Variants in PCDH15 observed in about 807,000 individuals in gnomAD.
PCDH15 encodes the protein protocadherin related 15, also known as protocadherin-15.
A neutral mutation model predicts 178.5 loss-of-function variants in PCDH15; 129 were observed. That is an observed-to-expected ratio of 0.72 (90% CI 0.63 to 0.84). The LOEUF (loss-of-function observed/expected upper bound fraction) is 0.84, where lower values mean the gene tolerates loss of function less well. Among genes scored for constraint, PCDH15 ranks in the 40% least tolerant of loss-of-function variants. The pLI is 0.00. For synonymous variants in PCDH15, 800 were observed against 732.0 expected (o/e 1.09, Z -1.50); for missense variants, 2,230 against 2,099.9 (o/e 1.06, Z -1.21).
chr10:54,012,230 AAAGT>A (rs1246508367), intron 20 of PCDH15, among the ~76,000 whole-genome samples: 1 of 152,176 alleles, frequency 6.6e-6, no homozygotes, highest in East Asian at 1.9e-4. Flanking sequence ...AAGAAGGACA[AAAGT>A]AATAATTAAA....
At chr10:54,102,848 A>T (rs773785862) in intron 15 of PCDH15, among the ~76,000 whole-genome samples, 4 of 152,138 alleles carry the variant, frequency 2.6e-5, no homozygotes, top group Middle Eastern at 3.2e-3. Context: ...AACCCCATTA[A>T]TTATCTGACC....
chr10:54,780,947 C>A (rs1950297691), intron 1 of PCDH15, among the ~76,000 whole-genome samples: 1 of 151,890 alleles, frequency 6.6e-6, no homozygotes, highest in Non-Finnish European at 1.5e-5. Flanking sequence ...GCTATAAAGT[C>A]TCAAATACAG....
At chr10:54,143,559 T>A (rs2043601877) in intron 14 of PCDH15, among the ~76,000 whole-genome samples, 1 of 152,172 alleles carries the variant, frequency 6.6e-6, no homozygotes, top group Non-Finnish European at 1.5e-5. Flanking sequence ...GAAAGGCTGA[T>A]GTGTTCATAA....
intron 2 of PCDH15, among the ~76,000 whole-genome samples, chr10:55,585,774 T>C (rs1329090526): frequency 6.6e-6 from 1 of 152,104 alleles, no homozygotes; most frequent in Non-Finnish European, 1.5e-5. Flanking sequence ...TATATATGTG[T>C]GTGTGTATAT....
intron 2 of PCDH15, among the ~76,000 whole-genome samples, chr10:55,021,331 C>A (rs1033025923): frequency 6.6e-6 from 1 of 152,162 alleles, no homozygotes. Context: ...AAAATGACTT[C>A]CCTCTTTAGC....
chr10:55,579,052 A>G (rs558156632), intron 2 of PCDH15, among the ~76,000 whole-genome samples: 1 of 152,178 alleles, frequency 6.6e-6, no homozygotes, highest in African/African-American at 2.4e-5. Context: ...CATTTTAAGC[A>G]TGTTTATTTT....
chr10:55,052,157 C>T (rs540358908), intron 2 of PCDH15, among the ~76,000 whole-genome samples: 3 of 150,994 alleles, frequency 2.0e-5, no homozygotes, highest in East Asian at 2.0e-4. Context: ...GTTGGATCTC[C>T]GCTCACTGCA....
intron 25 of PCDH15, among the ~76,000 whole-genome samples, chr10:53,919,175 T>C (rs911426680): frequency 9.2e-5 from 14 of 152,146 alleles, no homozygotes; most frequent in South Asian, 2.1e-4. Flanking sequence ...GGAAGTCCCT[T>C]ATCTTATGTA....
intron 1 of PCDH15, among the ~76,000 whole-genome samples, chr10:54,751,752 A>T (rs531072225): frequency 1.3e-5 from 2 of 152,294 alleles, no homozygotes; most frequent in South Asian, 2.1e-4. Flanking sequence ...AAAGGATGAA[A>T]GATACTAATT....
At chr10:55,302,544 T>C (rs1158470603) in intron 1 of PCDH15, among the ~76,000 whole-genome samples, 1 of 152,082 alleles carries the variant, frequency 6.6e-6, no homozygotes, top group African/African-American at 2.4e-5. Flanking sequence ...TGTAGGCAGA[T>C]TTCTCTCTCC....
At chr10:53,961,980 G>C in intron 21 of PCDH15, 88 bp from the exon 22 acceptor site, 2 of 1,098,724 alleles carry the variant, frequency 1.8e-6, no homozygotes, top group South Asian at 1.4e-5. Context: ...TAAAATTCAT[G>C]GTCTTTTAGA....
intron 1 of PCDH15, among the ~76,000 whole-genome samples, chr10:55,187,877 G>A (rs949527548): frequency 6.6e-6 from 1 of 151,902 alleles, no homozygotes; most frequent in African/African-American, 2.4e-5. Flanking sequence ...GAGAGCTGGA[G>A]AGTCACATAA....
At chr10:54,098,002 C>T (rs1444388325) in intron 15 of PCDH15, among the ~76,000 whole-genome samples, 1 of 152,100 alleles carries the variant, frequency 6.6e-6, no homozygotes, top group East Asian at 1.9e-4. Flanking sequence ...CTTCCTATGA[C>T]TGGGAGCCTA....
intron 15 of PCDH15, among the ~76,000 whole-genome samples, chr10:54,114,283 C>T (rs1239877193): frequency 1.3e-5 from 2 of 152,152 alleles, no homozygotes; most frequent in Non-Finnish European, 2.9e-5. Context: ...ACTAAGTCCT[C>T]ATTACAGAGT....
At chr10:55,363,344 A>G (rs989842020) in intron 2 of PCDH15, among the ~76,000 whole-genome samples, 3 of 152,142 alleles carry the variant, frequency 2.0e-5, no homozygotes, top group South Asian at 2.1e-4. Flanking sequence ...GTTGTTTCCA[A>G]TTTTAACTGT....
chr10:54,186,225 A>G (rs568894138), intron 11 of PCDH15, among the ~76,000 whole-genome samples: 1 of 152,166 alleles, frequency 6.6e-6, no homozygotes, highest in Admixed American at 6.6e-5. Context: ...TCTAGATTAT[A>G]CTATCTTTTA....
chr10:55,513,564 A>G (rs768039986), intron 2 of PCDH15, among the ~76,000 whole-genome samples: 1 of 152,154 alleles, frequency 6.6e-6, no homozygotes, highest in Non-Finnish European at 1.5e-5. Flanking sequence ...GGAACAATGT[A>G]CATAAGTTAT....
At position 54,273,921 on chromosome 10, in the gene PCDH15, A is replaced by G. The variant is rs117672127; in HGVS notation, c.877-36990T>C. ...CAGTGGTCTGCGGGATAAAGAAAAT[A>G]TGGTATATAAACATCATGGCATACT... On this transcript the variant is annotated intron_variant, in intron 8 of 37. Transcript: ENST00000644397. Among the ~76,000 whole-genome samples, 558 of 152,190 alleles carry G rather than the reference A, an allele frequency of 3.7e-3. 6 individuals are homozygous for G. The highest frequency in any genetic ancestry group is 0.029 in the South Asian group (139 of 4,810).
At chr10:54,814,825 G>A (rs1366648116) in intron 3 of PCDH15, among the ~76,000 whole-genome samples, 1 of 152,062 alleles carries the variant, frequency 6.6e-6, no homozygotes, top group Non-Finnish European at 1.5e-5. Context: ...AGGCATAAAT[G>A]GCCAAATATG....
Sources: allele counts gnomAD v4.1 joint callset (sites outside exome capture counted in the v4.1 genomes callset), GRCh38; gene constraint gnomAD v4.1.1; transcripts MANE v1.5; gene names NCBI Gene and HGNC (gene_info 2026-07-23, HGNC 2026-07-21).